Variants in TPTE2 observed in about 807,000 individuals in gnomAD.
The protein encoded by TPTE2 is transmembrane phosphoinositide 3-phosphatase and tensin homolog 2, also known as phosphatidylinositol 3,4,5-trisphosphate 3-phosphatase TPTE2.
Under a neutral mutation model 78.6 loss-of-function variants are expected in TPTE2, and 53 were observed. That is an observed-to-expected ratio of 0.67 (90% CI 0.54 to 0.85). The LOEUF (loss-of-function observed/expected upper bound fraction) is 0.85. Ranked by LOEUF, TPTE2 falls within the 40% of genes least tolerant of loss-of-function variation. The pLI is 0.00. For missense variants in TPTE2, 461 were observed against 623.0 expected, an observed-to-expected ratio of 0.74 and a Z score of 2.77; for synonymous variants, 175 against 206.2, an observed-to-expected ratio of 0.85 and a Z score of 1.30.
chr13:19,439,292 A>C (rs1310351121), intron 13 of TPTE2, among the ~76,000 whole-genome samples: 1 of 152,142 alleles, frequency 6.6e-6, no homozygotes, highest in African/African-American at 2.4e-5. Flanking sequence ...ACTGGCTCAT[A>C]GGTCAAACCA....
intron 11 of TPTE2, 152 bp downstream of exon 14, chr13:19,451,013 A>AC: frequency 1.1e-6 from 1 of 921,700 alleles, no homozygotes; most frequent in Non-Finnish European, 1.6e-6. Flanking sequence ...CCTCTACTAA[A>AC]TGGGGCCAGT....
In TPTE2 at chr13:19,503,224, C is replaced by CT; in HGVS notation, c.10dup (p.Ser4LysfsTer8). On this transcript the variant is annotated frameshift_variant and splice_region_variant, in exon 1 of 20. Transcript: ENST00000400230. LOFTEE classifies it high-confidence loss of function. Reference sequence around the variant, plus strand: ...AAAGACACATGTATGCATAACTCACCTTTCATTCATACGTGCCTCTGGGTT... The same window carrying CT: ...AAAGACACATGTATGCATAACTCACCTTTTCATTCATACGTGCCTCTGGGTT... The CT allele has an allele frequency of 6.2e-7, 1 of 1,613,718 alleles. No individual in the cohort carries two copies. The highest frequency in any genetic ancestry group is 8.5e-7 in the Non-Finnish European group (1 of 1,179,718).
At chr13:19,527,037 G>A (rs920404196) in intron 1 of TPTE2, among the ~76,000 whole-genome samples, 2 of 152,158 alleles carry the variant, frequency 1.3e-5, no homozygotes, top group African/African-American at 4.8e-5. Context: ...CGGGCGTGGT[G>A]GCTCATGCCT....
chr13:19,536,196 TC>T (rs1417991160), intron 1 of TPTE2, among the ~76,000 whole-genome samples: 1 of 150,132 alleles, frequency 6.7e-6, no homozygotes, highest in Non-Finnish European at 1.5e-5. Context: ...ATCTGATAAT[TC>T]TGAGACTCTA....
In TPTE2 at chr13:19,486,807, T is replaced by A. The variant is rs137875832; in HGVS notation, c.120-4260A>T. Among the ~76,000 whole-genome samples the A allele has an allele frequency of 4.7e-3, 718 of 152,288 alleles. 4 individuals are homozygous for A. Among genetic ancestry groups the A allele is most frequent in the African/African-American group, 0.015 (623 of 41,558 alleles). ...ACTTCTCAGCTGTCCTGGATGTGTT[T>A]CTGCTGGGGGTAGTCCATAGAGCTA... On this transcript the variant is annotated intron_variant, in intron 3 of 19. Coordinates refer to ENST00000400230, the Ensembl canonical transcript of TPTE2. The surrounding 1 kb of genome is among the most constrained non-coding windows in gnomAD (Gnocchi z 4.3).
intron 1 of TPTE2, among the ~76,000 whole-genome samples, chr13:19,528,372 A>C (rs1404887977): frequency 6.6e-6 from 1 of 150,594 alleles, no homozygotes; most frequent in East Asian, 2.0e-4. Context: ...AGGCAACAAG[A>C]GCGAAACTCC....
At chr13:19,536,210 A>T (rs1038707363) in intron 1 of TPTE2, among the ~76,000 whole-genome samples, 2 of 152,134 alleles carry the variant, frequency 1.3e-5, no homozygotes, top group Admixed American at 1.3e-4. Flanking sequence ...AGACTCTACT[A>T]ATGACGAGGC....
the TPTE2 span, among the ~76,000 whole-genome samples, chr13:19,550,544 A>G: frequency 6.6e-6 from 1 of 152,322 alleles, no homozygotes; most frequent in African/African-American, 2.4e-5. Context: ...GTTGCTATAG[A>G]AACAGGGATG....
At chr13:19,438,787 T>C (rs561053122) in intron 13 of TPTE2, among the ~76,000 whole-genome samples, 1 of 152,160 alleles carries the variant, frequency 6.6e-6, no homozygotes, top group Non-Finnish European at 1.5e-5. Context: ...AAAATGGCAA[T>C]TCCTCGGAAT....
chr13:19,475,515 T>G, intron 5 of TPTE2, 58 bp downstream of exon 8: 1 of 1,587,744 alleles, frequency 6.3e-7, no homozygotes, highest in Non-Finnish European at 8.6e-7. Flanking sequence ...CGTGAGCCAC[T>G]GCACCCAGCC....
At chr13:19,538,115 T>G (rs1871311951), upstream of TPTE2, among the ~76,000 whole-genome samples, 1 of 152,268 alleles carries the variant, frequency 6.6e-6, no homozygotes, top group Admixed American at 6.5e-5. Context: ...TTAAAAGAAG[T>G]TCTAAATTTT....
chr13:19,514,638 T>TGTGTGA, intron 1 of TPTE2, among the ~76,000 whole-genome samples: 1 of 149,372 alleles, frequency 6.7e-6, no homozygotes, highest in East Asian at 2.0e-4. Context: ...TGTCTGTGTG[T>TGTGTGA]GAGAGAGAGA....
At chr13:19,468,328 A>G (rs553918950) in intron 6 of TPTE2, among the ~76,000 whole-genome samples, 2 of 152,186 alleles carry the variant, frequency 1.3e-5, no homozygotes, top group South Asian at 4.1e-4. Flanking sequence ...GGCATGAGCC[A>G]TTGCACTTGG....
chr13:19,554,247 C>A, the TPTE2 span, among the ~76,000 whole-genome samples: 1 of 151,842 alleles, frequency 6.6e-6, no homozygotes. Context: ...TGGTGGCAGG[C>A]GCCTGTAGTC....
At chr13:19,450,392 T>C in intron 11 of TPTE2, 48 bp from the exon 15 acceptor site, 3 of 1,516,194 alleles carry the variant, frequency 2.0e-6, no homozygotes, top group Non-Finnish European at 2.7e-6. Context: ...AATAACATGA[T>C]AAATGATGAA....
At chr13:19,558,848 G>T in the TPTE2 span, among the ~76,000 whole-genome samples, 1 of 152,116 alleles carries the variant, frequency 6.6e-6, no homozygotes, top group Non-Finnish European at 1.5e-5. Context: ...AGCTTGATGG[G>T]TTAACTAACA....
chr13:19,553,333 A>G, the TPTE2 span, among the ~76,000 whole-genome samples: 1 of 152,198 alleles, frequency 6.6e-6, no homozygotes, highest in South Asian at 2.1e-4. Context: ...CCCACCAGTT[A>G]CTGCTGCTGG....
At chr13:19,536,341 T>A (rs1593427284) in intron 1 of TPTE2, among the ~76,000 whole-genome samples, 1 of 152,156 alleles carries the variant, frequency 6.6e-6, no homozygotes. Context: ...ATAATTATAA[T>A]ATAGTCATCA....
upstream of TPTE2, among the ~76,000 whole-genome samples, chr13:19,504,144 T>C (rs550853651): frequency 2.0e-5 from 3 of 152,296 alleles, no homozygotes; most frequent in South Asian, 4.2e-4. Context: ...TATATATATG[T>C]ATCGTCCAAC....
Sources: gnomAD v4.1 joint callset for allele counts (sites outside exome capture counted in the v4.1 genomes callset) on GRCh38, gnomAD v4.1.1 for gene constraint, Gnocchi (gnomAD v3.1) non-coding constraint, MANE v1.5 for transcripts, NCBI Gene and HGNC (gene_info 2026-07-23, HGNC 2026-07-21) for gene names.